KIF6: variants seen among roughly 807,000 people sequenced by gnomAD.
KIF6 encodes the protein kinesin family member 6.
In KIF6, 106 loss-of-function variants were observed where a neutral mutation model predicts 112.7. That is an observed-to-expected ratio of 0.94 (90% confidence interval 0.80 to 1.11). The LOEUF (loss-of-function observed/expected upper bound fraction) is 1.11, where lower values mean the gene tolerates loss of function less well. Among genes scored for constraint, KIF6 ranks in the 50% least tolerant of loss-of-function variants. The pLI, the probability that KIF6 is intolerant of heterozygous loss-of-function variation, is 0.00. For synonymous variants in KIF6, 339 were observed against 339.9 expected, an observed-to-expected ratio of 1.00 and a Z score of 0.03; for missense variants, 929 against 964.0, an observed-to-expected ratio of 0.96 and a Z score of 0.48.
At chr6:39,555,831 G>T (rs1408589768) in intron 10 of KIF6, among the ~76,000 whole-genome samples, 1 of 151,580 alleles carries the variant, frequency 6.6e-6, no homozygotes, top group Non-Finnish European at 1.5e-5. Context: ...GTGCATGCCT[G>T]TAATCCCAGT....
chr6:39,592,869 T>C (rs1048655226), intron 7 of KIF6, among the ~76,000 whole-genome samples: 2 of 152,210 alleles, frequency 1.3e-5, no homozygotes, highest in African/African-American at 4.8e-5. Context: ...GTCTCACAGT[T>C]ATGGCCAAAA....
At chr6:39,725,154 C>T (rs905029880) in intron 1 of KIF6, 91 bp downstream of exon 1, 8 of 1,129,312 alleles carry the variant, frequency 7.1e-6, no homozygotes, top group Non-Finnish European at 7.6e-6. Context: ...CAGCAAGCCC[C>T]TCACCTCCGC....
intron 13 of KIF6, among the ~76,000 whole-genome samples, chr6:39,456,858 C>G (rs1773148681): frequency 6.7e-6 from 1 of 150,034 alleles, no homozygotes; most frequent in Non-Finnish European, 1.5e-5. Context: ...CAGGAGCACC[C>G]AGATTCATAA....
chr6:39,637,752 C>T (rs976647694), intron 4 of KIF6, among the ~76,000 whole-genome samples: 2 of 151,902 alleles, frequency 1.3e-5, no homozygotes, highest in African/African-American at 2.4e-5. Context: ...CCAGTTTCAC[C>T]GCAGCTGTTT....
intron 15 of KIF6, among the ~76,000 whole-genome samples, chr6:39,410,103 C>A (rs909306711): frequency 6.6e-6 from 1 of 152,196 alleles, no homozygotes; most frequent in Non-Finnish European, 1.5e-5. Context: ...CCTGGAGGGA[C>A]CACACGCTTA....
At chr6:39,650,032 C>A (rs1267301371) in intron 3 of KIF6, among the ~76,000 whole-genome samples, 1 of 152,164 alleles carries the variant, frequency 6.6e-6, no homozygotes, top group Non-Finnish European at 1.5e-5. Context: ...AATTCTCCTC[C>A]TTGGATACAG....
chr6:39,628,295 C>G (rs1784189865), intron 5 of KIF6, among the ~76,000 whole-genome samples: 1 of 151,800 alleles, frequency 6.6e-6, no homozygotes, highest in South Asian at 2.1e-4. Flanking sequence ...GCAATTATCC[C>G]AGTTTTGCTT....
chr6:39,530,368 G>A (rs1255329682), intron 13 of KIF6, among the ~76,000 whole-genome samples: 4 of 152,186 alleles, frequency 2.6e-5, no homozygotes, highest in African/African-American at 7.2e-5. Flanking sequence ...TGACTATTTA[G>A]AATAGGCAGT....
chr6:39,526,201 T>G (rs1411679153), intron 13 of KIF6, among the ~76,000 whole-genome samples: 1 of 152,184 alleles, frequency 6.6e-6, no homozygotes, highest in Non-Finnish European at 1.5e-5. Flanking sequence ...CTTGGACAAT[T>G]TTAATATCCA....
At chr6:39,618,721 GCA>G (rs1561868920) in intron 5 of KIF6, among the ~76,000 whole-genome samples, 1 of 152,150 alleles carries the variant, frequency 6.6e-6, no homozygotes, top group Non-Finnish European at 1.5e-5. Flanking sequence ...TAGCATCACA[GCA>G]CAGATAACAG....
At chr6:39,684,121 G>A (rs576070631) in intron 3 of KIF6, among the ~76,000 whole-genome samples, 7 of 152,318 alleles carry the variant, frequency 4.6e-5, no homozygotes, top group Admixed American at 4.6e-4. Flanking sequence ...GGTAGCTGAA[G>A]GCTGCTAGTC....
intron 13 of KIF6, among the ~76,000 whole-genome samples, chr6:39,523,604 T>G (rs1235897932): frequency 7.3e-6 from 1 of 137,902 alleles, no homozygotes; most frequent in East Asian, 2.2e-4. Context: ...TCCCTAGGCC[T>G]CAGTGCTCTC....
intron 3 of KIF6, among the ~76,000 whole-genome samples, chr6:39,652,546 AAAAC>A (rs1329051827): frequency 5.5e-4 from 84 of 151,992 alleles, no homozygotes; most frequent in Middle Eastern, 3.4e-3. Flanking sequence ...AAAACAAAAC[AAAAC>A]AAACAAAGAA....
Position 39,443,981 on chromosome 6 carries a change from A to C in KIF6, c.1646-12820T>G, listed in dbSNP as rs1454131415. On this transcript the variant is annotated intron_variant, in intron 13 of 22. Transcript: ENST00000287152. ...GACAGGCACTGTTCCATATTTCACA[A>C]ATATTAATTCAATTAATCTTCACAA... 2.0e-5 allele frequency among the ~76,000 whole-genome samples: 3 copies of C among 152,344 alleles called. No individual in the cohort carries two copies. In the East Asian group the frequency reaches 5.8e-4, roughly 29 times the overall value.
intron 13 of KIF6, among the ~76,000 whole-genome samples, chr6:39,472,865 T>G (rs1372141077): frequency 7.2e-6 from 1 of 138,258 alleles, no homozygotes; most frequent in East Asian, 2.0e-4. Context: ...TACATTTTCT[T>G]TTTTTTTTTT....
At chr6:39,538,834 T>C (rs1363483193) in intron 13 of KIF6, among the ~76,000 whole-genome samples, 1 of 148,668 alleles carries the variant, frequency 6.7e-6, no homozygotes, top group Non-Finnish European at 1.5e-5. Flanking sequence ...CCAACAATGA[T>C]AGACTGGATT....
chr6:39,595,402 A>T (rs865788876), intron 7 of KIF6, among the ~76,000 whole-genome samples: 20 of 152,190 alleles, frequency 1.3e-4, no homozygotes, highest in African/African-American at 4.3e-4. Context: ...GGAAGACTTG[A>T]ATTTTAAAAT....
At chr6:39,357,445 ATTC>A in intron 18 of KIF6, 71 bp from the exon 19 acceptor site, 5 of 855,684 alleles carry the variant, frequency 5.8e-6, no homozygotes, top group Admixed American at 2.5e-5. Flanking sequence ...TTTTGATGTA[ATTC>A]TTTTTTTTTT....
At chr6:39,641,540 G>A (rs937591655) in intron 3 of KIF6, among the ~76,000 whole-genome samples, 2 of 151,840 alleles carry the variant, frequency 1.3e-5, no homozygotes, top group Non-Finnish European at 2.9e-5. Context: ...TATACCTAAT[G>A]TTAAATAACG....
Sources: allele counts gnomAD v4.1 joint callset (sites outside exome capture counted in the v4.1 genomes callset), GRCh38; gene constraint gnomAD v4.1.1; transcripts MANE v1.5; gene names NCBI Gene and HGNC (gene_info 2026-07-23, HGNC 2026-07-21).